The following PCDHA8 variants were observed in gnomAD, a reference collection of about 807,000 sequenced individuals.
PCDHA8 encodes the protein protocadherin alpha 8.
PCDHA8 carries 53 observed loss-of-function variants against 61.8 expected under a neutral mutation model. The observed-to-expected ratio is 0.86, with a 90% confidence interval of 0.69 to 1.08. The LOEUF is 1.08. PCDHA8 is among the 50% of genes least tolerant of loss of function. PCDHA8 has a pLI of 0.00. For synonymous variants in PCDHA8, 618 were observed against 556.6 expected, an observed-to-expected ratio of 1.11 and a Z score of -1.55; for missense variants, 1,293 against 1,245.0, an observed-to-expected ratio of 1.04 and a Z score of -0.58.
chr5:140,877,969 A>G (rs2057419330), intron 1 of PCDHA8: 1 of 1,276,842 alleles, frequency 7.8e-7, no homozygotes, highest in African/African-American at 1.5e-5. Flanking sequence ...TTTCTTGGTC[A>G]TTCTTACTCA....
rs1391320223 is a variant in PCDHA8, at chr5:140,927,345, C to T, written c.2395-51604C>T. The T allele has an allele frequency of 1.2e-6, 2 of 1,614,012 alleles. 1 individual carries two copies. On this transcript the variant is annotated intron_variant, in intron 1 of 3. Transcript: ENST00000531613. The stretch of plus-strand genomic sequence containing the variant: ...TTACTCTCCCGAATGCCCAAGATGA[C>T]GACGAGGGAAGCAATGGGATACTAA...
intron 1 of PCDHA8, chr5:140,861,521 G>A: frequency 2.2e-6 from 1 of 460,574 alleles, no homozygotes; most frequent in Admixed American, 2.2e-5. Flanking sequence ...TGTGTGGGAG[G>A]ATCTCGGAGT....
chr5:140,870,853 G>C (rs1554164757), intron 1 of PCDHA8: 2 of 1,613,888 alleles, frequency 1.2e-6, no homozygotes, highest in South Asian at 2.2e-5. Context: ...ACCGCGGTCG[G>C]TGGGTGCGGG....
intron 1 of PCDHA8, among the ~76,000 whole-genome samples, chr5:140,938,949 G>A (rs943956831): frequency 6.6e-6 from 1 of 152,028 alleles, no homozygotes; most frequent in Non-Finnish European, 1.5e-5. Flanking sequence ...TTCTTATAAT[G>A]CTCTAGTCGG....
chr5:140,896,902 G>C (rs1427098120), intron 1 of PCDHA8, among the ~76,000 whole-genome samples: 1 of 152,044 alleles, frequency 6.6e-6, no homozygotes, highest in Non-Finnish European at 1.5e-5. Context: ...TTTGATACAA[G>C]CATGCAATGC....
At chr5:140,993,509 CGGGGAGAG>C (rs2097568152) in intron 3 of PCDHA8, among the ~76,000 whole-genome samples, 1 of 143,490 alleles carries the variant, frequency 7.0e-6, no homozygotes, top group Non-Finnish European at 1.5e-5. Flanking sequence ...CACACACACA[CGGGGAGAG>C]AGAGACAGAG....
chr5:140,988,817 C>T (rs1244038207), intron 3 of PCDHA8: 8 of 152,028 alleles, frequency 5.3e-5, no homozygotes, highest in Admixed American at 1.3e-4. Context: ...TAACAGTAGC[C>T]CCAAACAGAG....
At chr5:140,868,882 T>G in intron 1 of PCDHA8, 1 of 715,192 alleles carries the variant, frequency 1.4e-6, no homozygotes, top group Non-Finnish European at 2.2e-6. Context: ...GTACTCACAG[T>G]TTTAGGCGCA....
chr5:140,856,141 C>T (rs782290263), intron 1 of PCDHA8: 3 of 1,598,260 alleles, frequency 1.9e-6, no homozygotes, highest in Middle Eastern at 1.7e-4. Context: ...GCCAGCTCCA[C>T]TACTCAGTCT....
At position 140,851,857 on chromosome 5, in the gene PCDHA8, C is replaced by T. The variant is rs532607539; in HGVS notation, c.2394+8142C>T. 3 of 972,984 alleles carry T rather than the reference C, an allele frequency of 3.1e-6. No individual in the cohort carries two copies. The African/African-American group carries it at 5.3e-5, about 17-fold the overall frequency. The allele number at this position is 972,984 out of a possible 1,614,324, so 60.3% of individuals were successfully genotyped here. ...AAAATATCTTTTTCTCCTCTCAGCT[C>T]ATACATAACACAAGGCAGAAATCTG... is the stretch of plus-strand genomic sequence containing the variant. On this transcript the variant is annotated intron_variant, in intron 1 of 3. Coordinates refer to ENST00000531613, the MANE Select transcript of PCDHA8 (RefSeq NM_018911.3).
chr5:140,887,769 T>A (rs1012351831), intron 1 of PCDHA8, among the ~76,000 whole-genome samples: 23 of 152,212 alleles, frequency 1.5e-4, no homozygotes, highest in African/African-American at 5.5e-4. Flanking sequence ...TATGTTACAA[T>A]GACACAGGTC....
At chr5:140,974,264 C>A (rs2096620873) in intron 1 of PCDHA8, among the ~76,000 whole-genome samples, 1 of 152,168 alleles carries the variant, frequency 6.6e-6, no homozygotes, top group African/African-American at 2.4e-5. Flanking sequence ...CCTTTCTGGC[C>A]TTCCAGGGTC....
At chr5:140,924,312 T>G (rs752006188) in intron 1 of PCDHA8, among the ~76,000 whole-genome samples, 84 of 152,338 alleles carry the variant, frequency 5.5e-4, no homozygotes, top group Non-Finnish European at 7.9e-4. Context: ...TCCTTTAATT[T>G]TATCTGAGAC....
At chr5:140,922,135 C>T (rs550862927) in intron 1 of PCDHA8, among the ~76,000 whole-genome samples, 3 of 152,092 alleles carry the variant, frequency 2.0e-5, no homozygotes, top group African/African-American at 7.2e-5. Context: ...TGTCTCTTAT[C>T]CTCCATGAAA....
rs1554174004 is a variant in PCDHA8, at chr5:140,882,408, G to C, written c.2394+38693G>C. On this transcript the variant is annotated intron_variant, in intron 1 of 3. Coordinates refer to ENST00000531613, the MANE Select transcript of PCDHA8 (RefSeq NM_018911.3). Reference sequence around the variant, plus strand: ...GCAAAACACGGCACCTTCGTGGGCCGCATCGCTCAGGACCTGGGGCTGGAG... The same window carrying C: ...GCAAAACACGGCACCTTCGTGGGCCCCATCGCTCAGGACCTGGGGCTGGAG... The C allele has an allele frequency of 3.1e-6, 5 of 1,614,138 alleles. No homozygotes were observed. The highest frequency in any genetic ancestry group is 3.3e-5 in the Admixed American group (2 of 60,036).
intron 1 of PCDHA8, among the ~76,000 whole-genome samples, chr5:140,910,377 C>T (rs1053075333): frequency 6.6e-6 from 1 of 152,244 alleles, no homozygotes; most frequent in East Asian, 1.9e-4. Flanking sequence ...GCCCACCTTG[C>T]CTTTGACAGT....
chr5:140,842,527 G>T lies in PCDHA8; in HGVS notation c.1206G>T (p.Lys402Asn). 1 of 1,613,310 alleles carries T rather than the reference G, an allele frequency of 6.2e-7. No homozygotes were observed. Among genetic ancestry groups the T allele is most frequent in the Non-Finnish European group, 8.5e-7 (1 of 1,179,314 alleles). Residue 402 changes from lysine (K) to asparagine (N), a missense_variant, in exon 1 of 4, where the codon AAG becomes AAT. Transcript: ENST00000531613. ...CCTTCAAGCTGGTGTCCACCTTCAAGAATTACTACTCGTTGGTGCTGGACA... is the reference window on the plus strand; with the variant it reads ...CCTTCAAGCTGGTGTCCACCTTCAATAATTACTACTCGTTGGTGCTGGACA... ...HVPFKLVSTFKNYYSLVLDSA... is the reference protein window; with the variant it reads ...HVPFKLVSTFNNYYSLVLDSA...
chr5:140,875,654 C>A lies in PCDHA8; in HGVS notation c.2394+31939C>A, dbSNP rs781924559. The stretch of plus-strand genomic sequence containing the variant: ...GGGCTGGAGCTGGCGGAGCTGGTGC[C>A]GCGCCTGTTCCGGGTGGCGTCCAAA... On this transcript the variant is annotated intron_variant, in intron 1 of 3. Transcript: ENST00000531613. 54 of 1,613,584 alleles carry A rather than the reference C, an allele frequency of 3.3e-5. No homozygotes were observed. Among genetic ancestry groups the A allele is most frequent in the African/African-American group, 1.3e-4 (10 of 74,926 alleles).
chr5:141,003,715 G>A (rs561348265), intron 3 of PCDHA8, among the ~76,000 whole-genome samples: 21 of 152,240 alleles, frequency 1.4e-4, no homozygotes, highest in African/African-American at 2.2e-4. Flanking sequence ...TGAAGATATC[G>A]GCTAATCCAA....
Sources: allele counts gnomAD v4.1 joint callset (sites outside exome capture counted in the v4.1 genomes callset), GRCh38; gene constraint gnomAD v4.1.1; transcripts MANE v1.5; gene names NCBI Gene and HGNC (gene_info 2026-07-23, HGNC 2026-07-21).